ARID1A: variants seen among roughly 807,000 people sequenced by gnomAD.
ARID1A encodes the protein AT-rich interactive domain-containing protein 1A.
A neutral mutation model predicts 212.6 loss-of-function variants in ARID1A; 20 were observed. The observed-to-expected ratio is 0.09, with a 90% CI of 0.07 to 0.14. The LOEUF (loss-of-function observed/expected upper bound fraction) is 0.14, where lower values mean the gene tolerates loss of function less well. Ranked by LOEUF, ARID1A falls within the 10% of genes least tolerant of loss-of-function variation. The pLI, the probability that ARID1A is intolerant of heterozygous loss-of-function variation, is 1.00. For missense variants in ARID1A, 2,587 were observed against 3,059.0 expected, an observed-to-expected ratio of 0.85 and a Z score of 3.64; for synonymous variants, 1,376 against 1,222.1, an observed-to-expected ratio of 1.13 and a Z score of -2.63.
Position 26,767,963 on chromosome 1 carries a change from C to G in ARID1A, c.3162C>G (p.Leu1054=), listed in dbSNP as rs1474774369. ...VGRKPLDLYR[L]YVSVKEIGGL... is the part of the protein sequence containing the mutation. ...GGAAACCTCTGGACCTCTATCGCCTCTATGTGTCTGTGAAGGAGATTGGTG... is the reference window on the plus strand; with the variant it reads ...GGAAACCTCTGGACCTCTATCGCCTGTATGTGTCTGTGAAGGAGATTGGTG... The change falls in exon 11 of 20, where the codon CTC becomes CTG. Residue 1054 remains leucine (L), a synonymous_variant. Coordinates refer to ENST00000324856, the MANE Select transcript of ARID1A (RefSeq NM_006015.6). The G allele has an allele frequency of 1.2e-6, 2 of 1,613,976 alleles. No homozygotes were observed. The highest frequency in any genetic ancestry group is 1.7e-5 in the Admixed American group (1 of 59,992).
At chr1:26,773,116 C>CT in intron 14 of ARID1A, 129 bp downstream of exon 14, 1 of 1,333,602 alleles carries the variant, frequency 7.5e-7, no homozygotes. Context: ...CCTGCCCTAA[C>CT]TACCCCTCTT....
At chr1:26,708,450 A>G (rs1570552773) in intron 1 of ARID1A, among the ~76,000 whole-genome samples, 1 of 149,890 alleles carries the variant, frequency 6.7e-6, no homozygotes, top group African/African-American at 2.5e-5. Context: ...ACGCCCAGGT[A>G]ATTTTTTGTA....
intron 8 of ARID1A, among the ~76,000 whole-genome samples, chr1:26,763,544 G>A (rs2081011961): frequency 2.0e-5 from 3 of 152,160 alleles, no homozygotes; most frequent in Admixed American, 6.5e-5. Context: ...AGGCCAAGGC[G>A]GGCAGATCAT....
chr1:26,722,305 G>T (rs2080572634), intron 1 of ARID1A, among the ~76,000 whole-genome samples: 1 of 152,164 alleles, frequency 6.6e-6, no homozygotes, highest in Non-Finnish European at 1.5e-5. Context: ...GAGTGCAGTG[G>T]TGTGATCTCT....
intron 4 of ARID1A, among the ~76,000 whole-genome samples, chr1:26,755,847 C>T (rs1318931050): frequency 8.6e-5 from 13 of 151,674 alleles, no homozygotes; most frequent in African/African-American, 4.8e-5. Context: ...GGGTTCACGC[C>T]ATTCTCCTGC....
chr1:26,719,346 G>A (rs1020479557), intron 1 of ARID1A, among the ~76,000 whole-genome samples: 1 of 152,246 alleles, frequency 6.6e-6, no homozygotes, highest in Non-Finnish European at 1.5e-5. Context: ...TTGGCTGAAA[G>A]TGCTGCTCAT....
At chr1:26,729,396 C>T (rs192027792) in intron 1 of ARID1A, 7 of 495,034 alleles carry the variant, frequency 1.4e-5, no homozygotes, top group Non-Finnish European at 2.6e-5. Flanking sequence ...TCAAGCAGTA[C>T]CACAGTTACA....
rs760931409 is a variant in ARID1A, at chr1:26,762,017, A to G, written c.2252-135A>G. 5.7e-5 allele frequency: 58 copies of G among 1,016,056 alleles called. 1 individual carries two copies. The highest frequency in any genetic ancestry group is 5.7e-4 in the Middle Eastern group (2 of 3,506). 62.9% of individuals were successfully genotyped at this position (1,016,056 alleles called of 1,614,324 possible). A position where few individuals can be genotyped will look rare whatever the true frequency, so the allele number is the denominator to read the frequency against. On this transcript the variant is annotated intron_variant, in intron 6 of 19. Coordinates refer to ENST00000324856, the MANE Select transcript of ARID1A (RefSeq NM_006015.6). ...GGTGCCTAAAATGACACACCACTAT[A>G]TAGAAAATCAGATAGAGACTCCATG... is the stretch of plus-strand genomic sequence containing the variant.
Position 26,731,184 on chromosome 1 carries a change from G to C in ARID1A, c.1383G>C (p.Gly461=), listed in dbSNP as rs2124787944. The C allele has an allele frequency of 6.2e-7, 1 of 1,613,978 alleles. No individual in the cohort carries two copies. Among genetic ancestry groups the C allele is most frequent in the Admixed American group, 1.7e-5 (1 of 59,988 alleles). The change falls in exon 3 of 20, where the codon GGG becomes GGC. Residue 461 remains glycine (G), a synonymous_variant. Coordinates refer to ENST00000324856, the MANE Select transcript of ARID1A (RefSeq NM_006015.6). ...CTTATGGACAACAAGGCCCCAGCGG[G>C]TATGGTCAACAGGGCCAGACTCCAT... ...IPPYGQQGPS[G]YGQQGQTPYY... is the part of the protein sequence containing the mutation.
At chr1:26,717,212 T>C (rs1002906629) in intron 1 of ARID1A, among the ~76,000 whole-genome samples, 1 of 152,212 alleles carries the variant, frequency 6.6e-6, no homozygotes, top group Non-Finnish European at 1.5e-5. Flanking sequence ...GTCTGACTTG[T>C]GTGTTCATGT....
intron 13 of ARID1A, 54 bp downstream of exon 13, chr1:26,772,686 TG>T: frequency 6.2e-7 from 1 of 1,613,294 alleles, no homozygotes. Flanking sequence ...GATAAGTGCA[TG>T]GGAACTCCTT....
In ARID1A at chr1:26,761,017, C is replaced by T; in HGVS notation, c.2082C>T (p.Gly694=). ...CCCCTCACCTGCCTGGCATCCGAGGCCCTTCCCCGTCCCCTGTTGGCTCTC... is the reference window on the plus strand; with the variant it reads ...CCCCTCACCTGCCTGGCATCCGAGGTCCTTCCCCGTCCCCTGTTGGCTCTC... ...HTSPHLPGIR[G]PSPSPVGSPA... is the part of the protein sequence containing the mutation. The change falls in exon 5 of 20, where the codon GGC becomes GGT. Residue 694 remains glycine, a synonymous_variant. Coordinates refer to ENST00000324856, the MANE Select transcript of ARID1A (RefSeq NM_006015.6). 6.2e-7 allele frequency: 1 copy of T among 1,614,076 alleles called. No individual in the cohort carries two copies. Among genetic ancestry groups the T allele is most frequent in the Non-Finnish European group, 8.5e-7 (1 of 1,180,024 alleles).
At chr1:26,739,836 G>T (rs1039022983) in intron 4 of ARID1A, among the ~76,000 whole-genome samples, 3 of 151,996 alleles carry the variant, frequency 2.0e-5, no homozygotes, top group Admixed American at 6.6e-5. Flanking sequence ...TTTTGAATCT[G>T]GTTTCCCCTC....
intron 1 of ARID1A, among the ~76,000 whole-genome samples, chr1:26,719,654 A>C (rs867770034): frequency 6.6e-6 from 1 of 151,964 alleles, no homozygotes; most frequent in Non-Finnish European, 1.5e-5. Flanking sequence ...AAAAGGTACA[A>C]CTGAGGCCGG....
intron 4 of ARID1A, among the ~76,000 whole-genome samples, chr1:26,736,049 G>A (rs1019534772): frequency 1.3e-5 from 2 of 152,284 alleles, no homozygotes; most frequent in East Asian, 3.9e-4. Flanking sequence ...AAAAGGCCGG[G>A]CGTGGTGGCT....
chr1:26,707,443 G>A (rs1159927011), intron 1 of ARID1A, among the ~76,000 whole-genome samples: 1 of 151,802 alleles, frequency 6.6e-6, no homozygotes, highest in Non-Finnish European at 1.5e-5. Flanking sequence ...TCCTGAGCTC[G>A]TGATCTACCC....
chr1:26,698,957 C>A (rs773956222), intron 1 of ARID1A, among the ~76,000 whole-genome samples: 3 of 152,068 alleles, frequency 2.0e-5, no homozygotes, highest in Non-Finnish European at 2.9e-5. Flanking sequence ...TTAACACTTT[C>A]TTTTGTTAAT....
Position 26,696,832 on chromosome 1 carries a change from G to A in ARID1A, c.429G>A (p.Leu143=), listed in dbSNP as rs2080261639. 1 of 1,337,402 alleles carries A rather than the reference G, an allele frequency of 7.5e-7. No homozygotes were observed. The allele number at this position is 1,337,402 out of a possible 1,614,324, so 82.8% of individuals were successfully genotyped here. ...GAPPHSAAAA[L]PPPAYGFGQP... ...CTCCTCACTCAGCCGCGGCCGCCTT[G>A]CCGCCCCCAGCCTACGGCTTCGGGC... The change falls in exon 1 of 20, where the codon TTG becomes TTA. Residue 143 remains leucine, a synonymous_variant. Coordinates refer to ENST00000324856, the MANE Select transcript of ARID1A (RefSeq NM_006015.6).
chr1:26,730,208 A>G (rs1249453326), intron 2 of ARID1A, among the ~76,000 whole-genome samples: 2 of 152,230 alleles, frequency 1.3e-5, no homozygotes, highest in Non-Finnish European at 2.9e-5. Flanking sequence ...CATTCATATC[A>G]TGTGCCCTGG....
Sources: gnomAD v4.1 joint callset for allele counts (sites outside exome capture counted in the v4.1 genomes callset) on GRCh38, gnomAD v4.1.1 for gene constraint, MANE v1.5 for transcripts, NCBI Gene and HGNC (gene_info 2026-07-23, HGNC 2026-07-21) for gene names.